Variants in CNTN4 observed in about 807,000 individuals in gnomAD.
CNTN4 encodes the protein contactin-4.
In CNTN4, 77 loss-of-function variants were observed where a neutral mutation model predicts 122.5. The ratio of observed to expected loss-of-function variants is 0.63; its 90% CI spans 0.52 to 0.76. The LOEUF is 0.76. Ranked by LOEUF, CNTN4 falls within the 30% of genes least tolerant of loss-of-function variation. The probability of loss-of-function intolerance (pLI) is 0.00; values close to 1 mark genes in which losing one functional copy is unlikely to be tolerated. For synonymous variants in CNTN4, 512 were observed against 447.0 expected (o/e 1.15, Z -1.83); for missense variants, 1,256 against 1,259.1 (o/e 1.00, Z 0.04).
intron 10 of CNTN4, among the ~76,000 whole-genome samples, chr3:2,900,298 G>A (rs1399287497): frequency 6.6e-6 from 1 of 152,136 alleles, no homozygotes; most frequent in Admixed American, 6.5e-5. Flanking sequence ...TAGCTGCAAA[G>A]CAATCTGGCA....
At chr3:2,679,149 C>T (rs1419537889) in intron 4 of CNTN4, among the ~76,000 whole-genome samples, 1 of 152,124 alleles carries the variant, frequency 6.6e-6, no homozygotes, top group Non-Finnish European at 1.5e-5. Context: ...TCCTGCCTAT[C>T]TGTCAAATGT....
At chr3:2,473,737 G>A (rs1223122707) in intron 3 of CNTN4, among the ~76,000 whole-genome samples, 1 of 152,128 alleles carries the variant, frequency 6.6e-6, no homozygotes, top group African/African-American at 2.4e-5. Context: ...TGCCGGCCAG[G>A]CGCGGTGGCT....
intron 3 of CNTN4, among the ~76,000 whole-genome samples, chr3:2,382,451 G>T (rs557374621): frequency 1.3e-5 from 2 of 151,972 alleles, no homozygotes; most frequent in African/African-American, 4.8e-5. Flanking sequence ...CACTGCGTCC[G>T]GCCCTATTGT....
chr3:2,241,526 A>G (rs2039940543), intron 2 of CNTN4, among the ~76,000 whole-genome samples: 1 of 152,102 alleles, frequency 6.6e-6, no homozygotes, highest in Admixed American at 6.6e-5. Context: ...TTACCTGCCA[A>G]AGCTGTGTTT....
At chr3:2,236,682 G>A (rs1014881745) in intron 2 of CNTN4, among the ~76,000 whole-genome samples, 1 of 152,154 alleles carries the variant, frequency 6.6e-6, no homozygotes, top group Non-Finnish European at 1.5e-5. Context: ...CATTAAAAAA[G>A]CATGTCCTCA....
At chr3:2,332,727 G>C (rs1035727887) in intron 2 of CNTN4, among the ~76,000 whole-genome samples, 68 of 144,284 alleles carry the variant, frequency 4.7e-4, no homozygotes, top group African/African-American at 1.7e-3. Flanking sequence ...GTTGTGGGGT[G>C]GGGGGAGTGG....
At position 3,028,097 on chromosome 3, in the gene CNTN4, G is replaced by A. The variant is rs147243964; in HGVS notation, c.1662+1820G>A. Among the ~76,000 whole-genome samples, 1,070 of 152,290 alleles carry A rather than the reference G, an allele frequency of 7.0e-3. 19 individuals are homozygous for A. The highest frequency in any genetic ancestry group is 0.025 in the African/African-American group (1,033 of 41,566). ...AGAAGAGATAAGCAAGCGCAATTTT[G>A]AAGTCAAGCCTATTTCAGCTTCGAC... On this transcript the variant is annotated intron_variant, in intron 15 of 24. Transcript: ENST00000418658.
At chr3:2,116,536 T>A (rs2033365631) in intron 2 of CNTN4, among the ~76,000 whole-genome samples, 1 of 152,222 alleles carries the variant, frequency 6.6e-6, no homozygotes, top group Non-Finnish European at 1.5e-5. Flanking sequence ...GCTCCCCATG[T>A]GATTCTGATG....
chr3:2,925,829 T>C, intron 13 of CNTN4, 50 bp downstream of exon 13: 1 of 1,502,886 alleles, frequency 6.7e-7, no homozygotes, highest in South Asian at 1.1e-5. Context: ...AAAAATGTGT[T>C]GGTCTGTTAT....
rs77217245 is a variant in CNTN4, at chr3:2,967,236, G to A, written c.1359-21109G>A. Among the ~76,000 whole-genome samples, 153 of 152,200 alleles carry A rather than the reference G, an allele frequency of 1.0e-3. 3 individuals are homozygous for A. In the East Asian group the frequency reaches 0.022, roughly 22 times the overall value. Reference sequence around the variant, plus strand: ...TCTTGCACTGAGTCAGTTCCTGGGTGGGGGCTGTAAAATCAGATGAGCCAG... The same window carrying A: ...TCTTGCACTGAGTCAGTTCCTGGGTAGGGGCTGTAAAATCAGATGAGCCAG... On this transcript the variant is annotated intron_variant, in intron 13 of 24. Transcript: ENST00000418658.
intron 13 of CNTN4, among the ~76,000 whole-genome samples, chr3:2,937,767 G>T (rs1477269902): frequency 1.3e-5 from 2 of 152,180 alleles, no homozygotes; most frequent in African/African-American, 4.8e-5. Flanking sequence ...CTCTCAGTCA[G>T]GCAGAGTCTG....
At chr3:2,888,223 G>A (rs756321926) in intron 10 of CNTN4, among the ~76,000 whole-genome samples, 23 of 152,152 alleles carry the variant, frequency 1.5e-4, no homozygotes, top group Non-Finnish European at 2.8e-4. Flanking sequence ...TTGGCTAAGG[G>A]GGGGCCCAGA....
rs143442224 is a variant in CNTN4, at chr3:3,044,686, C to T, written c.2811+982C>T. 9.7e-4 allele frequency among the ~76,000 whole-genome samples: 148 copies of T among 152,288 alleles called. 6 individuals carry two copies. The East Asian group carries it at 0.014, about 15-fold the overall frequency. ...AGTCTATAGCTCCCAGCGTGAGCAA[C>T]GCAGTAGACTGGTGATTTCTACATT... On this transcript the variant is annotated intron_variant, in intron 23 of 24. Coordinates refer to ENST00000418658, the MANE Select transcript of CNTN4 (RefSeq NM_175607.3).
At chr3:2,275,879 C>T (rs1042339880) in intron 2 of CNTN4, among the ~76,000 whole-genome samples, 1 of 143,014 alleles carries the variant, frequency 7.0e-6, no homozygotes, top group African/African-American at 2.7e-5. Context: ...GAGATTGTGC[C>T]ACTGCACTCC....
chr3:2,712,511 A>G (rs2087212357), intron 4 of CNTN4, among the ~76,000 whole-genome samples: 1 of 152,180 alleles, frequency 6.6e-6, no homozygotes, highest in African/African-American at 2.4e-5. Context: ...AGATTTATTT[A>G]ATATAAGTTT....
intron 7 of CNTN4, among the ~76,000 whole-genome samples, chr3:2,863,389 G>A (rs2093689938): frequency 6.7e-6 from 1 of 149,560 alleles, no homozygotes; most frequent in Admixed American, 6.7e-5. Context: ...AACCATGTTG[G>A]TTAGGTTCCT....
chr3:2,559,916 A>G (rs1234215577), intron 3 of CNTN4, among the ~76,000 whole-genome samples: 1 of 152,216 alleles, frequency 6.6e-6, no homozygotes, highest in Non-Finnish European at 1.5e-5. Context: ...CGTGATACCC[A>G]GTGCTTGCTG....
At chr3:2,719,023 A>G (rs980951) in intron 4 of CNTN4, among the ~76,000 whole-genome samples, 6,606 of 152,224 alleles carry the variant, frequency 0.043, 351 homozygotes, top group African/African-American at 0.13. Context: ...ATTAAGAACT[A>G]CTGGACTAGA....
intron 2 of CNTN4, among the ~76,000 whole-genome samples, chr3:2,186,047 G>A (rs140798559): frequency 0.025 from 3,745 of 151,872 alleles, 137 homozygotes; most frequent in African/African-American, 0.086. Flanking sequence ...CGTCATTTAC[G>A]TTAGGTATGT....
Sources: gnomAD v4.1 joint callset for allele counts (sites outside exome capture counted in the v4.1 genomes callset) on GRCh38, gnomAD v4.1.1 for gene constraint, MANE v1.5 for transcripts, NCBI Gene and HGNC (gene_info 2026-07-23, HGNC 2026-07-21) for gene names.